The following SLC25A48 variants were observed in gnomAD, a reference collection of about 807,000 sequenced individuals.
SLC25A48 encodes the protein CTC-321K16.1.
In SLC25A48, 29 loss-of-function variants were observed where a neutral mutation model predicts 32.2. That is an observed-to-expected ratio of 0.90 (90% CI 0.67 to 1.23). The LOEUF (loss-of-function observed/expected upper bound fraction) is 1.23, where lower values mean the gene tolerates loss of function less well. Ranked by LOEUF, SLC25A48 falls within the 50% of genes most tolerant of loss-of-function variation. SLC25A48 has a pLI of 0.00. For synonymous variants in SLC25A48, 164 were observed against 172.3 expected (o/e 0.95, Z 0.38); for missense variants, 399 against 422.7 (o/e 0.94, Z 0.49).
At chr5:135,735,327 C>T (rs1443047019) in intron 3 of SLC25A48, among the ~76,000 whole-genome samples, 2 of 151,982 alleles carry the variant, frequency 1.3e-5, no homozygotes, top group Non-Finnish European at 2.9e-5. Flanking sequence ...GTTTGAGGGC[C>T]GGATTCTAAT....
chr5:135,709,687 G>A (rs1017418814), intron 3 of SLC25A48, among the ~76,000 whole-genome samples: 1 of 152,158 alleles, frequency 6.6e-6, no homozygotes, highest in Non-Finnish European at 1.5e-5. Context: ...TGCTGACTAT[G>A]TTACTTAACC....
At chr5:135,844,975 T>C (rs1759290948) in intron 2 of SLC25A48, among the ~76,000 whole-genome samples, 2 of 152,070 alleles carry the variant, frequency 1.3e-5, no homozygotes, top group Non-Finnish European at 2.9e-5. Context: ...CACTGTTGGG[T>C]GTGAGGGATT....
At chr5:135,813,408 C>T (rs1355342133) in intron 4 of SLC25A48, among the ~76,000 whole-genome samples, 3 of 152,036 alleles carry the variant, frequency 2.0e-5, no homozygotes, top group Non-Finnish European at 4.4e-5. Context: ...CAGAAGTGGA[C>T]CCCAGAGAAG....
chr5:135,710,660 T>C (rs1754631366), intron 3 of SLC25A48, among the ~76,000 whole-genome samples: 1 of 152,202 alleles, frequency 6.6e-6, no homozygotes, highest in Non-Finnish European at 1.5e-5. Context: ...AGACTTAACA[T>C]AGGTTATGTG....
chr5:135,688,006 A>G (rs1754054942), intron 3 of SLC25A48, among the ~76,000 whole-genome samples: 1 of 11,444 alleles, frequency 8.7e-5, no homozygotes, highest in African/African-American at 3.1e-4. Flanking sequence ...TCCCCCATCC[A>G]TCTTCAGAAC....
intron 1 of SLC25A48, among the ~76,000 whole-genome samples, chr5:135,594,545 G>A (rs1011290492): frequency 1.3e-5 from 2 of 152,198 alleles, no homozygotes; most frequent in African/African-American, 4.8e-5. Flanking sequence ...TGATTGTGAA[G>A]ATTGCATCAG....
chr5:135,753,269 G>T (rs767498299), intron 3 of SLC25A48, among the ~76,000 whole-genome samples: 1 of 151,988 alleles, frequency 6.6e-6, no homozygotes, highest in Non-Finnish European at 1.5e-5. Flanking sequence ...ATATCACAGG[G>T]TGTACACCCA....
chr5:135,850,314 C>A, intron 2 of SLC25A48, 111 bp from the exon 3 acceptor site: 3 of 1,068,404 alleles, frequency 2.8e-6, no homozygotes, highest in South Asian at 1.4e-5. Context: ...AAACCCAGAC[C>A]CTTTGCTGGC....
At chr5:135,833,777 C>T (rs562876223), upstream of SLC25A48, among the ~76,000 whole-genome samples, 12 of 152,326 alleles carry the variant, frequency 7.9e-5, no homozygotes, top group African/African-American at 2.9e-4. Flanking sequence ...CCTCAGTGGA[C>T]AGGCCTTTGT....
At chr5:135,797,266 C>G (rs1030094294) in intron 3 of SLC25A48, among the ~76,000 whole-genome samples, 1 of 151,968 alleles carries the variant, frequency 6.6e-6, no homozygotes, top group East Asian at 1.9e-4. Flanking sequence ...CTCCCAATAT[C>G]ACAGGGGCTG....
intron 3 of SLC25A48, among the ~76,000 whole-genome samples, chr5:135,685,925 C>T (rs1440960045): frequency 6.6e-6 from 1 of 152,200 alleles, no homozygotes; most frequent in African/African-American, 2.4e-5. Flanking sequence ...AGTTCCTGTT[C>T]AGTAGACTTG....
intron 3 of SLC25A48, chr5:135,635,050 C>G (rs537050717): frequency 6.6e-6 from 1 of 152,256 alleles, no homozygotes; most frequent in African/African-American, 2.4e-5. Context: ...TCCTTCTTCC[C>G]GGTGGCCCCC....
At chr5:135,875,773 A>C (rs1471356674) in intron 6 of SLC25A48, 1 of 152,252 alleles carries the variant, frequency 6.6e-6, no homozygotes, top group East Asian at 1.9e-4. Flanking sequence ...CATTAATAGA[A>C]GTACAGTGGG....
chr5:135,813,057 T>A (rs1200759623), intron 4 of SLC25A48: 1 of 152,276 alleles, frequency 6.6e-6, no homozygotes, highest in Admixed American at 6.5e-5. Flanking sequence ...CCCGGGGTTG[T>A]TGGGATACCA....
At chr5:135,618,615 G>T (rs1473798397) in intron 1 of SLC25A48, among the ~76,000 whole-genome samples, 2 of 151,924 alleles carry the variant, frequency 1.3e-5, no homozygotes, top group East Asian at 1.9e-4. Context: ...ATGTTTTCAT[G>T]ATGGTAGTTA....
intron 3 of SLC25A48, among the ~76,000 whole-genome samples, chr5:135,664,011 A>G (rs989066024): frequency 7.9e-5 from 12 of 152,044 alleles, no homozygotes; most frequent in Admixed American, 2.0e-4. Flanking sequence ...GGGTGTCACA[A>G]TCTCTTTGTA....
intron 3 of SLC25A48, among the ~76,000 whole-genome samples, chr5:135,729,094 C>T (rs1755166181): frequency 6.6e-6 from 1 of 151,892 alleles, no homozygotes; most frequent in African/African-American, 2.4e-5. Context: ...TTCCATGTGC[C>T]TAGTAATTCT....
chr5:135,645,082 C>T (rs1167263816), intron 3 of SLC25A48, among the ~76,000 whole-genome samples: 4 of 152,220 alleles, frequency 2.6e-5, no homozygotes, highest in Non-Finnish European at 2.9e-5. Context: ...CAGGTGCACG[C>T]CAGTTTGGAA....
intron 4 of SLC25A48, among the ~76,000 whole-genome samples, chr5:135,864,914 A>G (rs1006789445): frequency 8.5e-5 from 13 of 152,176 alleles, no homozygotes; most frequent in African/African-American, 3.1e-4. Flanking sequence ...CCCACAGTAG[A>G]CTTGGCTGCA....
Sources: allele counts gnomAD v4.1 joint callset (sites outside exome capture counted in the v4.1 genomes callset), GRCh38; gene constraint gnomAD v4.1.1; transcripts MANE v1.5; gene names NCBI Gene and HGNC (gene_info 2026-07-23, HGNC 2026-07-21).